CPPED1: variants seen among roughly 807,000 people sequenced by gnomAD.
CPPED1 encodes the protein serine/threonine-protein phosphatase CPPED1.
In CPPED1, 28 loss-of-function variants were observed where a neutral mutation model predicts 28.0. The observed-to-expected ratio is 1.00, with a 90% CI of 0.74 to 1.37. CPPED1 has a LOEUF of 1.37. CPPED1 is among the 40% of genes most tolerant of loss of function. The probability of loss-of-function intolerance (pLI) is 0.00; values close to 1 mark genes in which losing one functional copy is unlikely to be tolerated. For missense variants in CPPED1, 504 were observed against 416.5 expected (o/e 1.21, Z -1.83); for synonymous variants, 198 against 180.2 (o/e 1.10, Z -0.79).
chr16:12,697,301 C>T (rs1163424051), intron 3 of CPPED1, among the ~76,000 whole-genome samples: 1 of 152,162 alleles, frequency 6.6e-6, no homozygotes, highest in Non-Finnish European at 1.5e-5. Context: ...TAAGCTAGTT[C>T]TATTTTTTTC....
intron 2 of CPPED1, among the ~76,000 whole-genome samples, chr16:12,752,443 C>A (rs141235737): frequency 4.3e-4 from 65 of 152,026 alleles, no homozygotes; most frequent in African/African-American, 1.4e-3. Flanking sequence ...TCTCTAACGG[C>A]CTTCTGTTCA....
intron 2 of CPPED1, among the ~76,000 whole-genome samples, chr16:12,741,661 T>G (rs768371164): frequency 5.3e-5 from 8 of 152,158 alleles, no homozygotes; most frequent in Non-Finnish European, 1.2e-4. Flanking sequence ...TGGCTCACAG[T>G]TAACTGCGCT....
intron 1 of CPPED1, among the ~76,000 whole-genome samples, chr16:12,793,881 G>A (rs28583367): frequency 0.26 from 39,432 of 152,104 alleles, 6,575 homozygotes; most frequent in African/African-American, 0.47. Context: ...AAGATGGGAA[G>A]CTTCACAGCC....
rs147076083 is a variant in CPPED1, at chr16:12,685,248, G to C, written c.715+19376C>G. On this transcript the variant is annotated intron_variant, in intron 3 of 3. Transcript: ENST00000381774. ...ACAGATCACCTGAGGTCAGGAGTTT[G>C]AGACCAGCCTGGCCAACATGGTGAA... Among the ~76,000 whole-genome samples the C allele has an allele frequency of 7.3e-3, 1,109 of 152,310 alleles. 3 individuals are homozygous for C. Among genetic ancestry groups the C allele is most frequent in the Middle Eastern group, 0.017 (5 of 294 alleles).
chr16:12,757,109 CTAAGTTACAGCACCTCGAGGGTGACCAAT>C (rs2080375041), intron 2 of CPPED1, among the ~76,000 whole-genome samples: 3 of 152,048 alleles, frequency 2.0e-5, no homozygotes, highest in Admixed American at 6.6e-5. Context: ...GGGTGACCAA[CTAAGTTACAGCACCTCGAGGGTGACCAAT>C]TAAGTTATAG....
intron 1 of CPPED1, among the ~76,000 whole-genome samples, chr16:12,787,104 C>T (rs1489980502): frequency 6.6e-6 from 1 of 152,162 alleles, no homozygotes; most frequent in Non-Finnish European, 1.5e-5. Context: ...TTTTTCTTCC[C>T]AAATTGACTT....
chr16:12,726,881 A>G lies in CPPED1; in HGVS notation c.290-21832T>C, dbSNP rs140399199. Among the ~76,000 whole-genome samples the G allele has an allele frequency of 6.6e-5, 10 of 152,300 alleles. No individual in the cohort carries two copies. The East Asian group carries it at 1.3e-3, about 21-fold the overall frequency. On this transcript the variant is annotated intron_variant, in intron 2 of 3. Coordinates refer to ENST00000381774, the MANE Select transcript of CPPED1 (RefSeq NM_018340.3). The stretch of plus-strand genomic sequence containing the variant: ...TACTTTATCTTCAAAGAATAGAGGA[A>G]AAAAATGGTGTTAGTGTACGGGGCT...
chr16:12,746,359 G>C (rs1339268671), intron 2 of CPPED1, among the ~76,000 whole-genome samples: 1 of 123,268 alleles, frequency 8.1e-6, no homozygotes, highest in East Asian at 2.5e-4. Flanking sequence ...AGGCGACAGA[G>C]CAAGACTCTG....
intron 2 of CPPED1, among the ~76,000 whole-genome samples, chr16:12,768,209 T>C (rs1368009291): frequency 6.6e-6 from 1 of 152,246 alleles, no homozygotes; most frequent in Admixed American, 6.5e-5. Flanking sequence ...TATGAACTTT[T>C]ATTTTCTTTG....
chr16:12,669,394 A>G (rs2079842526), intron 3 of CPPED1, among the ~76,000 whole-genome samples: 1 of 152,212 alleles, frequency 6.6e-6, no homozygotes, highest in Non-Finnish European at 1.5e-5. Context: ...ATGGTCTGCA[A>G]TTAGATCACG....
At chr16:12,687,798 T>A (rs1261782512) in intron 3 of CPPED1, among the ~76,000 whole-genome samples, 1 of 152,160 alleles carries the variant, frequency 6.6e-6, no homozygotes, top group Non-Finnish European at 1.5e-5. Flanking sequence ...TCTTTGGGCT[T>A]GGCATAGAGT....
At chr16:12,696,521 A>G (rs539750884) in intron 3 of CPPED1, among the ~76,000 whole-genome samples, 20 of 149,280 alleles carry the variant, frequency 1.3e-4, no homozygotes, top group Non-Finnish European at 3.0e-4. Context: ...GCTCACTGCA[A>G]CCTCCGCCTT....
intron 3 of CPPED1, among the ~76,000 whole-genome samples, chr16:12,679,921 A>G (rs904481601): frequency 6.6e-6 from 1 of 152,330 alleles, no homozygotes; most frequent in East Asian, 1.9e-4. Flanking sequence ...CAAATAACCG[A>G]GAAAGATTAG....
chr16:12,714,073 T>G (rs1230202489), intron 2 of CPPED1, among the ~76,000 whole-genome samples: 4 of 152,224 alleles, frequency 2.6e-5, no homozygotes, highest in Admixed American at 6.5e-5. Flanking sequence ...TTGCATGATG[T>G]TTTCAAGGTT....
At chr16:12,720,628 C>G (rs1264391337) in intron 2 of CPPED1, among the ~76,000 whole-genome samples, 5 of 152,176 alleles carry the variant, frequency 3.3e-5, no homozygotes, top group Non-Finnish European at 7.3e-5. Flanking sequence ...TCTGGTACTA[C>G]AGGTGTGCAC....
At chr16:12,799,263 T>C (rs2080644777) in intron 1 of CPPED1, among the ~76,000 whole-genome samples, 1 of 140,742 alleles carries the variant, frequency 7.1e-6, no homozygotes, top group South Asian at 2.2e-4. Flanking sequence ...TTTTTTTTTT[T>C]GAGACACAGT....
intron 2 of CPPED1, chr16:12,761,100 T>C (rs769181517): frequency 4.6e-5 from 7 of 151,992 alleles, no homozygotes; most frequent in Non-Finnish European, 8.8e-5. Flanking sequence ...TGGATGGCTT[T>C]AAGTTGGCAA....
intron 2 of CPPED1, among the ~76,000 whole-genome samples, chr16:12,762,918 A>G (rs1057475905): frequency 2.6e-5 from 4 of 152,042 alleles, no homozygotes; most frequent in African/African-American, 9.7e-5. Context: ...TAATTAAAAA[A>G]AAAAAATTTT....
At chr16:12,721,106 A>G in intron 2 of CPPED1, among the ~76,000 whole-genome samples, 1 of 152,176 alleles carries the variant, frequency 6.6e-6, no homozygotes, top group Non-Finnish European at 1.5e-5. Context: ...CTTCATTTCC[A>G]AGAACATAGG....
Sources: allele counts gnomAD v4.1 joint callset (sites outside exome capture counted in the v4.1 genomes callset), GRCh38; gene constraint gnomAD v4.1.1; transcripts MANE v1.5; gene names NCBI Gene and HGNC (gene_info 2026-07-23, HGNC 2026-07-21).